The following ACOXL variants were observed in gnomAD, a reference collection of about 807,000 sequenced individuals.
The protein encoded by ACOXL is acyl-coenzyme A oxidase-like protein.
In ACOXL, 70 loss-of-function variants were observed where a neutral mutation model predicts 71.9. That is an observed-to-expected ratio of 0.97 (90% CI 0.80 to 1.19). The LOEUF (loss-of-function observed/expected upper bound fraction) is 1.19, where lower values mean the gene tolerates loss of function less well. ACOXL is among the 50% of genes most tolerant of loss of function. ACOXL has a pLI of 0.00. For synonymous variants in ACOXL, 253 were observed against 281.6 expected (o/e 0.90, Z 1.02); for missense variants, 703 against 736.3 (o/e 0.95, Z 0.52).
intron 16 of ACOXL, among the ~76,000 whole-genome samples, chr2:111,087,315 A>G (rs1309355542): frequency 1.3e-5 from 2 of 152,224 alleles, no homozygotes; most frequent in South Asian, 2.1e-4. Context: ...TAAAATTCAT[A>G]TAGAACCAAA....
chr2:110,782,596 T>C (rs546614437), intron 2 of ACOXL, among the ~76,000 whole-genome samples: 11 of 152,316 alleles, frequency 7.2e-5, no homozygotes, highest in African/African-American at 2.2e-4. Flanking sequence ...AGGGAAGTAA[T>C]TGTCATAGGC....
At chr2:110,846,658 C>CACACACAT (rs1171974645) in intron 10 of ACOXL, among the ~76,000 whole-genome samples, 1 of 151,890 alleles carries the variant, frequency 6.6e-6, no homozygotes, top group African/African-American at 2.4e-5. Context: ...CACACACACA[C>CACACACAT]ACACACACAC....
chr2:111,068,993 G>T (rs1025812248), intron 16 of ACOXL, among the ~76,000 whole-genome samples: 1 of 152,112 alleles, frequency 6.6e-6, no homozygotes, highest in Non-Finnish European at 1.5e-5. Flanking sequence ...AAAATGTTCC[G>T]TGGTCATTGC....
At chr2:110,867,332 G>A (rs1002960591) in intron 10 of ACOXL, among the ~76,000 whole-genome samples, 3 of 152,172 alleles carry the variant, frequency 2.0e-5, no homozygotes, top group Non-Finnish European at 4.4e-5. Flanking sequence ...TAATGGGTGT[G>A]CTGGAGACAA....
chr2:111,052,371 GGAGTCACTCTCAAGGCTTGTTAATCACAT>G, intron 16 of ACOXL, among the ~76,000 whole-genome samples: 1 of 152,232 alleles, frequency 6.6e-6, no homozygotes, highest in East Asian at 1.9e-4. Flanking sequence ...GCAGGCTTCT[GGAGTCACTCTCAAGGCTTGTTAATCACAT>G]CCTTGTTGCT....
At chr2:111,037,967 C>T (rs2065602082) in intron 15 of ACOXL, among the ~76,000 whole-genome samples, 1 of 152,196 alleles carries the variant, frequency 6.6e-6, no homozygotes, top group African/African-American at 2.4e-5. Context: ...GGATTTGCCT[C>T]CGAACAATGC....
At chr2:110,868,771 A>T (rs12104528) in intron 10 of ACOXL, among the ~76,000 whole-genome samples, 47,508 of 151,934 alleles carry the variant, frequency 0.31, 7,686 homozygotes, top group Non-Finnish European at 0.35. Context: ...TTGTATTTTT[A>T]GTAGAGATGG....
intron 12 of ACOXL, among the ~76,000 whole-genome samples, chr2:110,951,202 A>T (rs984908182): frequency 6.6e-6 from 1 of 152,176 alleles, no homozygotes; most frequent in Non-Finnish European, 1.5e-5. Context: ...AGCTGAGTAG[A>T]TATCTATTAT....
Position 111,118,018 on chromosome 2 carries a change from T to C in ACOXL, c.*202T>C. 4 of 643,476 alleles carry C rather than the reference T, an allele frequency of 6.2e-6. No homozygotes were observed. In the South Asian group the frequency reaches 7.8e-5, roughly 13 times the overall value. The allele number at this position is 643,476 out of a possible 1,614,324, so 39.9% of individuals were successfully genotyped here. A position where few individuals can be genotyped will look rare whatever the true frequency, so the allele number is the denominator to read the frequency against. On this transcript the variant is annotated 3_prime_UTR_variant, in exon 18 of 18. Coordinates refer to ENST00000439055, the MANE Select transcript of ACOXL (RefSeq NM_001142807.4). ...GAAAGAGATCCAGACGGTCGCCTGG[T>C]GCGCTGGATCCCTGTGCCCTTTCCC... is the stretch of plus-strand genomic sequence containing the variant.
At chr2:111,007,480 G>A (rs2063931042) in intron 14 of ACOXL, among the ~76,000 whole-genome samples, 1 of 152,066 alleles carries the variant, frequency 6.6e-6, no homozygotes, top group Non-Finnish European at 1.5e-5. Flanking sequence ...TATGCTTTGG[G>A]TTACAATCCA....
At chr2:110,962,433 G>A (rs2061734672) in intron 12 of ACOXL, among the ~76,000 whole-genome samples, 1 of 152,224 alleles carries the variant, frequency 6.6e-6, no homozygotes, top group Non-Finnish European at 1.5e-5. Flanking sequence ...ACCTTATGAA[G>A]GTAATTAAGG....
At chr2:110,836,908 C>T (rs1266560464) in intron 9 of ACOXL, among the ~76,000 whole-genome samples, 1 of 152,190 alleles carries the variant, frequency 6.6e-6, no homozygotes, top group African/African-American at 2.4e-5. Flanking sequence ...TGCAGGCGGG[C>T]GGCCTCCTCG....
At chr2:110,958,650 T>C (rs567050846) in intron 12 of ACOXL, among the ~76,000 whole-genome samples, 1 of 152,190 alleles carries the variant, frequency 6.6e-6, no homozygotes, top group Non-Finnish European at 1.5e-5. Flanking sequence ...CCCAGGGCAC[T>C]GAGGGATCCC....
In ACOXL at chr2:111,049,224, T is replaced by C. The variant is rs753210564; in HGVS notation, c.1376T>C (p.Leu459Ser). 6.2e-7 allele frequency: 1 copy of C among 1,610,764 alleles called. No individual in the cohort carries two copies. Among genetic ancestry groups the C allele is most frequent in the East Asian group, 2.2e-5 (1 of 44,872 alleles). The stretch of plus-strand genomic sequence containing the variant: ...TCCATTTCTTCCCTTCCAGTTACCT[T>C]AGAGCAGTTCTCCCTAGCAGTGAAG... The part of the protein sequence containing the change: ...LSLAHTHRVT[L>S]EQFSLAVKSC... The change falls in exon 16 of 18, where the codon TTA becomes TCA. Residue 459 changes from leucine to serine, a missense_variant. By Grantham distance (145) the Leu-to-Ser change is moderately radical (BLOSUM62 -2). Coordinates refer to ENST00000439055, the MANE Select transcript of ACOXL (RefSeq NM_001142807.4).
intron 10 of ACOXL, among the ~76,000 whole-genome samples, chr2:110,876,339 G>C (rs1695897207): frequency 6.6e-6 from 1 of 152,230 alleles, no homozygotes. Context: ...GTTCTGGGCT[G>C]TGCAGGTAGA....
intron 12 of ACOXL, among the ~76,000 whole-genome samples, chr2:110,969,653 A>G (rs2062092110): frequency 1.3e-5 from 2 of 152,070 alleles, no homozygotes; most frequent in Admixed American, 6.6e-5. Context: ...TCTACTAAAA[A>G]TACAAAAATT....
chr2:111,092,902 A>T lies in ACOXL; in HGVS notation c.1478A>T (p.Glu493Val). The T allele has an allele frequency of 6.2e-7, 1 of 1,614,000 alleles. No individual in the cohort carries two copies. The highest frequency in any genetic ancestry group is 8.5e-7 in the Non-Finnish European group (1 of 1,179,994). ...TATGGAACCAAGCTGGTGTTTCAGG[A>T]GCGGGCCTGGTATTTAGAACATAAA... ...LLYGTKLVFQ[E>V]RAWYLEHKYL... Residue 493 changes from glutamate to valine, a missense_variant, in exon 17 of 18, where the codon GAG (glutamate) becomes GTG (valine). By Grantham distance (121) the Glu-to-Val change is moderately radical. Transcript: ENST00000439055.
chr2:110,886,706 T>C, intron 10 of ACOXL: 1 of 1,539,848 alleles, frequency 6.5e-7, no homozygotes, highest in Non-Finnish European at 8.8e-7. Flanking sequence ...ATGCCAAGTT[T>C]CACCCTTTGA....
At chr2:111,056,788 CAAAA>C (rs34865595) in intron 16 of ACOXL, among the ~76,000 whole-genome samples, 1 of 102,318 alleles carries the variant, frequency 9.8e-6, no homozygotes. Context: ...ACTCTGTCTC[CAAAA>C]AAAAAAAAAA....
Sources: allele counts gnomAD v4.1 joint callset (sites outside exome capture counted in the v4.1 genomes callset), GRCh38; gene constraint gnomAD v4.1.1; transcripts MANE v1.5; gene names NCBI Gene and HGNC (gene_info 2026-07-23, HGNC 2026-07-21).